Variants in SLC6A5 observed in about 807,000 individuals in gnomAD.
SLC6A5 encodes solute carrier family 6 member 5.
SLC6A5 carries 58 observed loss-of-function variants against 90.5 expected under a neutral mutation model. The ratio of observed to expected loss-of-function variants is 0.64; its 90% CI spans 0.52 to 0.80. SLC6A5 has a LOEUF of 0.80. Ranked by LOEUF, SLC6A5 falls within the 30% of genes least tolerant of loss-of-function variation. SLC6A5 has a pLI of 0.00. For missense variants in SLC6A5, 1,015 were observed against 1,017.6 expected, an observed-to-expected ratio of 1.00 and a Z score of 0.03; for synonymous variants, 427 against 401.4, an observed-to-expected ratio of 1.06 and a Z score of -0.76.
intron 4 of SLC6A5, 65 bp from the exon 5 acceptor site, chr11:20,607,414 G>A: frequency 6.3e-7 from 1 of 1,586,218 alleles, no homozygotes; most frequent in Non-Finnish European, 8.7e-7. Context: ...CCCACCCTAT[G>A]CCCAACTCTA....
chr11:20,615,179 G>A (rs1852761910), intron 6 of SLC6A5, among the ~76,000 whole-genome samples: 1 of 152,130 alleles, frequency 6.6e-6, no homozygotes, highest in East Asian at 1.9e-4. Context: ...AAGAAGTCAT[G>A]TTCAGAGCTT....
intron 7 of SLC6A5, among the ~76,000 whole-genome samples, chr11:20,625,081 C>A (rs999640557): frequency 1.3e-5 from 2 of 152,102 alleles, no homozygotes; most frequent in Admixed American, 6.6e-5. Flanking sequence ...AGAATTTGGA[C>A]CCAGGCTCGT....
chr11:20,653,655 T>G (rs1416380990), intron 15 of SLC6A5, among the ~76,000 whole-genome samples: 1 of 152,216 alleles, frequency 6.6e-6, no homozygotes, highest in East Asian at 1.9e-4. Context: ...ATCTTTTTAC[T>G]GCAGCTGTAT....
At chr11:20,639,564 A>T (rs1232783297) in intron 13 of SLC6A5, among the ~76,000 whole-genome samples, 1 of 152,110 alleles carries the variant, frequency 6.6e-6, no homozygotes, top group Non-Finnish European at 1.5e-5. Flanking sequence ...TGGTCTTTAA[A>T]CTGGGGGCCC....
At chr11:20,604,188 G>T in intron 2 of SLC6A5, 98 bp from the exon 3 acceptor site, 1 of 1,461,670 alleles carries the variant, frequency 6.8e-7, no homozygotes, top group Non-Finnish European at 9.3e-7. Flanking sequence ...GTGGGAGCCT[G>T]CTTGCTGGGA....
intron 5 of SLC6A5, among the ~76,000 whole-genome samples, chr11:20,613,628 A>T (rs951243188): frequency 2.8e-5 from 4 of 144,834 alleles, no homozygotes; most frequent in African/African-American, 1.0e-4. Context: ...CCTTGGTACC[A>T]CCGATGTTTT....
chr11:20,654,715 G>A lies in SLC6A5; in HGVS notation c.2241G>A (p.Arg747=). Residue 747 remains arginine (R), a splice_region_variant and synonymous_variant, in exon 16 of 16, where the codon AGG becomes AGA. Coordinates refer to ENST00000525748, the MANE Select transcript of SLC6A5 (RefSeq NM_004211.5). ...GTCTGTCTTTGGCTTCTTTGCAGAG[G>A]CTGAAGTTGGTGTGCTCGCCACAGC... The part of the protein sequence containing the change: ...MHLAPGRFIE[R]LKLVCSPQPD... The A allele has an allele frequency of 1.2e-6, 2 of 1,614,152 alleles. No homozygotes were observed.
intron 5 of SLC6A5, among the ~76,000 whole-genome samples, chr11:20,609,283 A>T (rs956115993): frequency 2.1e-5 from 3 of 145,454 alleles, no homozygotes; most frequent in African/African-American, 5.0e-5. Flanking sequence ...TTAATTTTTA[A>T]TTTTTTTTTT....
chr11:20,638,145 C>G (rs1853245157), intron 12 of SLC6A5, among the ~76,000 whole-genome samples: 1 of 152,232 alleles, frequency 6.6e-6, no homozygotes, highest in Non-Finnish European at 1.5e-5. Context: ...ATAAAGCAAT[C>G]TGGCTGCTTT....
At chr11:20,633,204 C>A (rs989918225) in intron 10 of SLC6A5, among the ~76,000 whole-genome samples, 11 of 152,156 alleles carry the variant, frequency 7.2e-5, no homozygotes, top group African/African-American at 2.4e-4. Context: ...AGCAGAAACA[C>A]TGAGTTATAC....
chr11:20,644,516 A>G (rs1853372881), intron 13 of SLC6A5, among the ~76,000 whole-genome samples: 1 of 152,238 alleles, frequency 6.6e-6, no homozygotes, highest in African/African-American at 2.4e-5. Context: ...TGATGCTGCA[A>G]TAAACATAAG....
rs1853656352 is a variant in SLC6A5, at chr11:20,657,859, G to A, written c.*2991G>A. ...TCTTATGCAAATGTCTTGCATATTA[G>A]TAACTTTTATTATCTTTAGGACTGT... On this transcript the variant is annotated 3_prime_UTR_variant, in exon 16 of 16. Coordinates refer to ENST00000525748, the MANE Select transcript of SLC6A5 (RefSeq NM_004211.5). The A allele has an allele frequency of 1.3e-5, 2 of 152,172 alleles. No homozygotes were observed. Among genetic ancestry groups the A allele is most frequent in the Non-Finnish European group, 2.9e-5 (2 of 68,018 alleles). 9.4% of individuals were successfully genotyped at this position (152,172 alleles called of 1,614,324 possible). A position where few individuals can be genotyped will look rare whatever the true frequency, so the allele number is the denominator to read the frequency against.
chr11:20,623,077 G>A (rs1281408555), intron 7 of SLC6A5, among the ~76,000 whole-genome samples: 1 of 152,198 alleles, frequency 6.6e-6, no homozygotes, highest in African/African-American at 2.4e-5. Flanking sequence ...ATAGAGAGGA[G>A]CTGGCTGCTG....
At chr11:20,630,484 T>TG (rs1853087262) in intron 9 of SLC6A5, among the ~76,000 whole-genome samples, 2 of 152,376 alleles carry the variant, frequency 1.3e-5, no homozygotes, top group African/African-American at 4.8e-5. Flanking sequence ...CCACAGGCCC[T>TG]GAATCAGGGC....
At chr11:20,610,465 T>C (rs1283874043) in intron 5 of SLC6A5, among the ~76,000 whole-genome samples, 2 of 152,246 alleles carry the variant, frequency 1.3e-5, no homozygotes, top group East Asian at 3.9e-4. Flanking sequence ...GCCTGCGTGC[T>C]TCACAATTGC....
rs1415425096 is a variant in SLC6A5, at chr11:20,614,722, C to G, written c.1029C>G (p.Asn343Lys). ...ACCATCCCAAAATACAGATCAAGAA[C>G]TCGACTTTCTGCATGACCGCTTATC... ...ISDHPKIQIK[N>K]STFCMTAYPN... Residue 343 changes from asparagine to lysine, a missense_variant, in exon 6 of 16, where the codon AAC becomes AAG. Asn to Lys is a moderately conservative substitution (Grantham distance 94). Transcript: ENST00000525748. The G allele has an allele frequency of 6.2e-7, 1 of 1,613,864 alleles. No individual in the cohort carries two copies. The highest frequency in any genetic ancestry group is 8.5e-7 in the Non-Finnish European group (1 of 1,179,726).
chr11:20,611,317 T>C (rs1229619885), intron 5 of SLC6A5, among the ~76,000 whole-genome samples: 1 of 152,102 alleles, frequency 6.6e-6, no homozygotes, highest in African/African-American at 2.4e-5. Context: ...TAGCTGGAAG[T>C]GTTGGCACAC....
chr11:20,622,757 C>A (rs550318550), intron 7 of SLC6A5, among the ~76,000 whole-genome samples: 1 of 149,602 alleles, frequency 6.7e-6, no homozygotes, highest in African/African-American at 2.5e-5. Context: ...TATAAGCCAC[C>A]GCTGTCTAGG....
rs1853429132 is a variant in SLC6A5 at position 20,646,996 on chromosome 11, A to T, written c.2070+62A>T. 1.0e-5 allele frequency: 11 copies of T among 1,082,988 alleles called. No individual in the cohort carries two copies. The South Asian group carries it at 1.4e-4, about 13-fold the overall frequency. 67.1% of individuals were successfully genotyped at this position (1,082,988 alleles called of 1,614,324 possible). A position where few individuals can be genotyped will look rare whatever the true frequency, so the allele number is the denominator to read the frequency against. Reference sequence around the variant, plus strand: ...CTTGCATACGTATGTGGTGTTTTACATTTGAACAGTGCATGCCTGTTTACA... The same window carrying T: ...CTTGCATACGTATGTGGTGTTTTACTTTTGAACAGTGCATGCCTGTTTACA... On this transcript the variant is annotated intron_variant, in intron 14 of 15. Transcript: ENST00000525748.
Sources: gnomAD v4.1 joint callset for allele counts (sites outside exome capture counted in the v4.1 genomes callset) on GRCh38, gnomAD v4.1.1 for gene constraint, MANE v1.5 for transcripts, NCBI Gene and HGNC (gene_info 2026-07-23, HGNC 2026-07-21) for gene names.